NDUFAF6: variants seen among roughly 807,000 people sequenced by gnomAD.
The protein encoded by NDUFAF6 is NADH dehydrogenase (ubiquinone) complex I, assembly factor 6.
In NDUFAF6, 45 loss-of-function variants were observed where a neutral mutation model predicts 40.8. The ratio of observed to expected loss-of-function variants is 1.10; its 90% confidence interval spans 0.87 to 1.42. The LOEUF is 1.42. Ranked by LOEUF, NDUFAF6 falls within the 40% of genes most tolerant of loss-of-function variation. The pLI is 0.00. For synonymous variants in NDUFAF6, 185 were observed against 155.9 expected (o/e 1.19, Z -1.39); for missense variants, 435 against 418.5 (o/e 1.04, Z -0.34).
chr8:95,053,230 G>A (rs963922892), intron 8 of NDUFAF6, among the ~76,000 whole-genome samples: 5 of 152,148 alleles, frequency 3.3e-5, no homozygotes, highest in Non-Finnish European at 7.3e-5. Flanking sequence ...TTTTCGTAGT[G>A]TAAGAGAATA....
At chr8:95,003,382 A>G (rs756221391) in intron 2 of NDUFAF6, among the ~76,000 whole-genome samples, 1 of 152,242 alleles carries the variant, frequency 6.6e-6, no homozygotes, top group Non-Finnish European at 1.5e-5. Context: ...AGCAAAATAT[A>G]TAAGTAAGGA....
chr8:95,111,292 G>A (rs768698297), intron 4 of NDUFAF6, among the ~76,000 whole-genome samples: 4 of 152,202 alleles, frequency 2.6e-5, no homozygotes, highest in Non-Finnish European at 5.9e-5. Flanking sequence ...CAAGATCAGA[G>A]ACAGGAAGCT....
chr8:94,989,232 GAATT>G (rs60627299), intron 2 of NDUFAF6: 44 of 152,294 alleles, frequency 2.9e-4, no homozygotes, highest in African/African-American at 1.0e-3. Flanking sequence ...AAGCTCAAAT[GAATT>G]GTTTTTACAA....
chr8:95,001,357 G>A (rs1469754344), intron 2 of NDUFAF6, among the ~76,000 whole-genome samples: 2 of 152,140 alleles, frequency 1.3e-5, no homozygotes, highest in African/African-American at 4.8e-5. Context: ...TTTTGGGGGA[G>A]TGTGACTCTG....
intron 2 of NDUFAF6, among the ~76,000 whole-genome samples, chr8:94,985,488 TATATATATATATATATATATATATATA>T (rs1352277560): frequency 0.013 from 78 of 5,934 alleles, 1 homozygote; most frequent in Non-Finnish European, 0.027. Context: ...TATATATATA[TATATATATATATATATATATATATATA>T]TTTTTTTTTT....
chr8:95,068,724 A>G (rs996916045), intron 9 of NDUFAF6: 1 of 151,834 alleles, frequency 6.6e-6, no homozygotes, highest in Admixed American at 6.5e-5. Context: ...TTAAGAATGA[A>G]TGTCCTTGCG....
At chr8:94,904,231 C>CCTTGT (rs1818223187) in intron 1 of NDUFAF6, among the ~76,000 whole-genome samples, 1 of 148,982 alleles carries the variant, frequency 6.7e-6, no homozygotes, top group South Asian at 2.2e-4. Flanking sequence ...GCAACCTCTG[C>CCTTGT]CTTGTGGGTT....
intron 1 of NDUFAF6, among the ~76,000 whole-genome samples, chr8:94,976,229 G>A (rs1824918336): frequency 3.1e-4 from 1 of 3,200 alleles, no homozygotes; most frequent in African/African-American, 1.2e-3. Flanking sequence ...TTTGGGCCGG[G>A]TGGTGGTGGC....
chr8:94,930,863 A>G, intron 1 of NDUFAF6: 2 of 1,051,732 alleles, frequency 1.9e-6, no homozygotes, highest in Non-Finnish European at 2.7e-6. Flanking sequence ...CATGGCTGAC[A>G]GACAAGTTTA....
At chr8:94,959,333 A>G (rs1267805242) in intron 1 of NDUFAF6, among the ~76,000 whole-genome samples, 1 of 152,198 alleles carries the variant, frequency 6.6e-6, no homozygotes, top group Non-Finnish European at 1.5e-5. Flanking sequence ...TGTCCTGGCT[A>G]CCTACATACT....
At chr8:94,901,968 A>C (rs770341028) in intron 1 of NDUFAF6, among the ~76,000 whole-genome samples, 3 of 152,140 alleles carry the variant, frequency 2.0e-5, no homozygotes, top group African/African-American at 7.2e-5. Flanking sequence ...GTATTCCACT[A>C]TCAACATTTT....
chr8:94,991,796 GCC>G (rs35398480), intron 2 of NDUFAF6, among the ~76,000 whole-genome samples: 2,637 of 113,284 alleles, frequency 0.023, 44 homozygotes, highest in African/African-American at 0.029. Flanking sequence ...CTCATTCTTC[GCC>G]CCCCCCCCCT....
At chr8:95,013,625 C>T (rs1827316302) in intron 2 of NDUFAF6, among the ~76,000 whole-genome samples, 1 of 152,144 alleles carries the variant, frequency 6.6e-6, no homozygotes, top group Admixed American at 6.6e-5. Flanking sequence ...GTTTTAAGTG[C>T]CGTGGGTATA....
intron 2 of NDUFAF6, among the ~76,000 whole-genome samples, chr8:94,952,545 T>A (rs140418665): frequency 6.6e-6 from 1 of 152,358 alleles, no homozygotes; most frequent in African/African-American, 2.4e-5. Flanking sequence ...AGCATTCCAG[T>A]GACATCTATT....
chr8:94,969,912 A>G (rs1015613101), intron 1 of NDUFAF6, among the ~76,000 whole-genome samples: 3 of 152,322 alleles, frequency 2.0e-5, no homozygotes, highest in African/African-American at 7.2e-5. Flanking sequence ...CAACTAGTAA[A>G]CAAAGATAAA....
chr8:94,975,350 G>C (rs1047451856), intron 1 of NDUFAF6: 2 of 152,248 alleles, frequency 1.3e-5, no homozygotes, highest in Non-Finnish European at 2.9e-5. Flanking sequence ...ATAATGGTAT[G>C]GTGAGATGTC....
intron 5 of NDUFAF6, among the ~76,000 whole-genome samples, chr8:95,046,198 C>G (rs1488656508): frequency 6.6e-6 from 1 of 152,020 alleles, no homozygotes; most frequent in Non-Finnish European, 1.5e-5. Flanking sequence ...GTAGCTGGGA[C>G]TACAGGGACG....
At chr8:95,052,045 A>G (rs554100354) in intron 7 of NDUFAF6, 129 bp from the exon 8 acceptor site, 2 of 824,814 alleles carry the variant, frequency 2.4e-6, no homozygotes, top group African/African-American at 3.4e-5. Flanking sequence ...CTTAATCTGC[A>G]GGAGATGAGC....
At chr8:94,978,034 C>G (rs1322864361) in intron 1 of NDUFAF6, among the ~76,000 whole-genome samples, 15 of 152,110 alleles carry the variant, frequency 9.9e-5, no homozygotes, top group Admixed American at 9.8e-4. Context: ...CAAAGAGCTC[C>G]TAAATCCTTT....
Sources: gnomAD v4.1 joint callset for allele counts (sites outside exome capture counted in the v4.1 genomes callset) on GRCh38, gnomAD v4.1.1 for gene constraint, MANE v1.5 for transcripts, NCBI Gene and HGNC (gene_info 2026-07-23, HGNC 2026-07-21) for gene names.